Variants in SCGB2B2 observed in about 807,000 individuals in gnomAD.
SCGB2B2 encodes the protein secretoglobin-like protein.
Under a neutral mutation model 7.6 loss-of-function variants are expected in SCGB2B2, and 11 were observed. The ratio of observed to expected loss-of-function variants is 1.45; its 90% confidence interval spans 0.91 to 2.40. The LOEUF (loss-of-function observed/expected upper bound fraction) is 2.40. Ranked by LOEUF, SCGB2B2 falls within the 30% of genes most tolerant of loss-of-function variation. The pLI, the probability that SCGB2B2 is intolerant of heterozygous loss-of-function variation, is 0.00. For missense variants in SCGB2B2, 104 were observed against 115.4 expected (o/e 0.90, Z 0.45); for synonymous variants, 50 against 48.6 (o/e 1.03, Z -0.12).
At position 34,595,509 on chromosome 19, in the gene SCGB2B2, A is replaced by G. The variant is rs926686917; in HGVS notation, c.-946T>C. The G allele has an allele frequency of 2.0e-5, 3 of 152,610 alleles. No individual in the cohort carries two copies. The highest frequency in any genetic ancestry group is 4.4e-5 in the Non-Finnish European group (3 of 68,072). 9.5% of individuals were successfully genotyped at this position (152,610 alleles called of 1,614,324 possible). A position where few individuals can be genotyped will look rare whatever the true frequency, so the allele number is the denominator to read the frequency against. ...GGAGCGGCCTTGACTGGGAGCCTGC[A>G]CGTCTGTCCACATTCCAGTGTTTCA... On this transcript the variant is annotated 5_prime_UTR_variant, in exon 2 of 4. Coordinates refer to ENST00000601241, the MANE Select transcript of SCGB2B2 (RefSeq NM_001025591.4).
chr19:34,669,618 T>TCCCAC (rs1410737176), intron 1 of SCGB2B2, among the ~76,000 whole-genome samples: 1 of 147,220 alleles, frequency 6.8e-6, no homozygotes, highest in Admixed American at 6.7e-5. Flanking sequence ...ACCCAACCCA[T>TCCCAC]CCCACTGCAT....
chr19:34,666,173 C>T (rs1444215484), intron 1 of SCGB2B2, among the ~76,000 whole-genome samples: 3 of 152,088 alleles, frequency 2.0e-5, no homozygotes, highest in Non-Finnish European at 4.4e-5. Context: ...CTGTCCCTGT[C>T]CCACAGGGTC....
At chr19:34,625,691 G>A (rs180950777) in intron 1 of SCGB2B2, among the ~76,000 whole-genome samples, 65 of 152,314 alleles carry the variant, frequency 4.3e-4, no homozygotes, top group African/African-American at 1.5e-3. Flanking sequence ...CCACCTCTAG[G>A]GGCAGGGCAT....
chr19:34,664,672 A>C (rs2067560888), intron 1 of SCGB2B2, among the ~76,000 whole-genome samples: 1 of 151,582 alleles, frequency 6.6e-6, no homozygotes. Context: ...GTTCCAGCAA[A>C]CTCCTTGTCC....
intron 1 of SCGB2B2, among the ~76,000 whole-genome samples, chr19:34,670,169 G>A (rs1486598565): frequency 3.9e-5 from 6 of 152,126 alleles, no homozygotes; most frequent in South Asian, 2.1e-4. Context: ...CAGGTCGAGC[G>A]TTTTGCCATC....
chr19:34,608,876 T>A (rs919529572), intron 1 of SCGB2B2: 2 of 151,804 alleles, frequency 1.3e-5, no homozygotes, highest in Admixed American at 6.6e-5. Context: ...ATATGGTAAT[T>A]CTATTTTTGT....
intron 1 of SCGB2B2, chr19:34,640,440 T>C (rs2066808943): frequency 6.6e-6 from 1 of 152,310 alleles, no homozygotes; most frequent in African/African-American, 2.4e-5. Flanking sequence ...TTTGATCATG[T>C]TGGGGACTTG....
intron 1 of SCGB2B2, among the ~76,000 whole-genome samples, chr19:34,656,377 G>T (rs181536688): frequency 2.0e-5 from 3 of 151,428 alleles, no homozygotes; most frequent in Non-Finnish European, 4.4e-5. Flanking sequence ...GCCGAGGTGG[G>T]CAGATCACTT....
chr19:34,593,497 C>A lies in SCGB2B2; in HGVS notation c.*58G>T. The A allele has an allele frequency of 7.4e-7, 1 of 1,348,580 alleles. No individual in the cohort carries two copies. The highest frequency in any genetic ancestry group is 1.0e-6 in the Non-Finnish European group (1 of 964,946). The allele number at this position is 1,348,580 out of a possible 1,614,324, so 83.5% of individuals were successfully genotyped here. A position where few individuals can be genotyped will look rare whatever the true frequency, so the allele number is the denominator to read the frequency against. The stretch of plus-strand genomic sequence containing the variant: ...GTGATGAACAGAGCCAGGCCAGGAA[C>A]GCGGGGAGCCCCAAGGAAGGCAGGA... On this transcript the variant is annotated 3_prime_UTR_variant, in exon 4 of 4. Transcript: ENST00000601241.
At chr19:34,672,031 C>T (rs2067815199) in intron 1 of SCGB2B2, among the ~76,000 whole-genome samples, 1 of 152,102 alleles carries the variant, frequency 6.6e-6, no homozygotes, top group South Asian at 2.1e-4. Context: ...TTCCAAACTA[C>T]CTTGGAGGCT....
At chr19:34,597,848 G>T (rs949676633) in intron 1 of SCGB2B2, among the ~76,000 whole-genome samples, 1 of 152,226 alleles carries the variant, frequency 6.6e-6, no homozygotes, top group African/African-American at 2.4e-5. Context: ...TGATGGGGCC[G>T]GTGTGGGGGC....
At chr19:34,661,553 G>C (rs1286214971) in intron 1 of SCGB2B2, among the ~76,000 whole-genome samples, 3 of 152,226 alleles carry the variant, frequency 2.0e-5, no homozygotes. Context: ...ACTAAGTAAA[G>C]CTTTAGTGTG....
chr19:34,599,493 A>AT (rs2065557892), intron 1 of SCGB2B2, among the ~76,000 whole-genome samples: 5 of 152,226 alleles, frequency 3.3e-5, no homozygotes, highest in African/African-American at 1.2e-4. Context: ...CGGCAGCAAG[A>AT]GACAGAATGA....
intron 1 of SCGB2B2, among the ~76,000 whole-genome samples, chr19:34,602,337 A>G (rs2065649021): frequency 6.6e-6 from 1 of 152,124 alleles, no homozygotes; most frequent in African/African-American, 2.4e-5. Flanking sequence ...AATCTCATTG[A>G]CTTTGCTAAT....
chr19:34,621,397 G>A (rs944058715), intron 1 of SCGB2B2, among the ~76,000 whole-genome samples: 8 of 152,022 alleles, frequency 5.3e-5, no homozygotes, highest in Middle Eastern at 3.4e-3. Context: ...CTAATTCTTG[G>A]GGTTTCATGA....
At chr19:34,611,690 CCCAG>C (rs1300160178) in intron 1 of SCGB2B2, among the ~76,000 whole-genome samples, 10 of 151,572 alleles carry the variant, frequency 6.6e-5, no homozygotes, top group East Asian at 5.8e-4. Context: ...CGCAGTGTTG[CCCAG>C]GCTGGAGTGC....
At chr19:34,660,086 G>A (rs2067409407) in intron 1 of SCGB2B2, among the ~76,000 whole-genome samples, 1 of 152,186 alleles carries the variant, frequency 6.6e-6, no homozygotes, top group Admixed American at 6.5e-5. Context: ...GCCATATGTA[G>A]AAAGCTCAAA....
chr19:34,629,705 AT>A (rs1217884541), intron 1 of SCGB2B2, among the ~76,000 whole-genome samples: 1 of 152,036 alleles, frequency 6.6e-6, no homozygotes, highest in Non-Finnish European at 1.5e-5. Flanking sequence ...AAGGTAATTT[AT>A]AGATTCAATG....
chr19:34,586,971 G>A (rs573215217), downstream of SCGB2B2, among the ~76,000 whole-genome samples: 23 of 152,276 alleles, frequency 1.5e-4, no homozygotes, highest in Non-Finnish European at 3.2e-4. Flanking sequence ...GCAATGACGT[G>A]CTCTCGGCTC....
Sources: gnomAD v4.1 joint callset for allele counts (sites outside exome capture counted in the v4.1 genomes callset) on GRCh38, gnomAD v4.1.1 for gene constraint, MANE v1.5 for transcripts, NCBI Gene and HGNC (gene_info 2026-07-23, HGNC 2026-07-21) for gene names.